EYS: variants seen among roughly 807,000 people sequenced by gnomAD.
EYS encodes the protein EGF-like photoreceptor maintenance factor.
A neutral mutation model predicts 282.1 loss-of-function variants in EYS; 250 were observed. The observed-to-expected ratio is 0.89, with a 90% CI of 0.80 to 0.98. The LOEUF is 0.98. Ranked by LOEUF, EYS falls within the 50% of genes least tolerant of loss-of-function variation. EYS has a pLI of 0.00. For synonymous variants in EYS, 1,355 were observed against 1,282.9 expected (o/e 1.06, Z -1.20); for missense variants, 4,016 against 3,709.0 (o/e 1.08, Z -2.15).
At chr6:64,596,443 A>T (rs544422470) in intron 24 of EYS, among the ~76,000 whole-genome samples, 12 of 152,326 alleles carry the variant, frequency 7.9e-5, no homozygotes, top group African/African-American at 2.9e-4. Flanking sequence ...TGGAAGCATC[A>T]TACTCTCTGA....
At chr6:65,606,770 G>A (rs926481409) in intron 2 of EYS, among the ~76,000 whole-genome samples, 1 of 151,710 alleles carries the variant, frequency 6.6e-6, no homozygotes, top group Non-Finnish European at 1.5e-5. Context: ...ATCTAAACAT[G>A]AATTAAACAA....
chr6:65,010,605 T>C (rs1771836059), intron 13 of EYS, among the ~76,000 whole-genome samples: 1 of 152,210 alleles, frequency 6.6e-6, no homozygotes, highest in Non-Finnish European at 1.5e-5. Flanking sequence ...GAAAAAGGAC[T>C]TTGAAAAGCG....
At chr6:63,845,076 TTGGGTGG>T (rs1772063629) in intron 36 of EYS, among the ~76,000 whole-genome samples, 2 of 152,222 alleles carry the variant, frequency 1.3e-5, no homozygotes, top group East Asian at 3.9e-4. Context: ...TTTTCTGCAT[TTGGGTGG>T]CCATGAACTG....
chr6:64,454,814 C>T (rs1360705766), intron 26 of EYS, among the ~76,000 whole-genome samples: 2 of 152,028 alleles, frequency 1.3e-5, no homozygotes, highest in East Asian at 3.9e-4. Context: ...AATTTATATC[C>T]TTGTGATATT....
rs11753547 is a variant in EYS at position 64,045,346 on chromosome 6, G to A, written c.6725+20992C>T. Among the ~76,000 whole-genome samples the A allele has an allele frequency of 5.4e-4, 81 of 150,792 alleles. 2 individuals are homozygous for A. Among genetic ancestry groups the A allele is most frequent in the Admixed American group, 4.9e-3 (75 of 15,184 alleles). On this transcript the variant is annotated intron_variant, in intron 33 of 42. Transcript: ENST00000503581. ...CTGCTATTATTTCCCTATTTTTCCC[G>A]AAGAGTAACTCATTTTTTAATGTTT... is the stretch of plus-strand genomic sequence containing the variant.
rs925955512 is a variant in EYS at position 64,694,789 on chromosome 6, T to G, written c.3444-68544A>C. Among the ~76,000 whole-genome samples, 6 of 152,176 alleles carry G rather than the reference T, an allele frequency of 3.9e-5. No individual in the cohort carries two copies. The South Asian group carries it at 8.3e-4, about 21-fold the overall frequency. ...TTGTGAGACTGGATCAGGAGAAGTT[T>G]AGCCTGAGAACTGCAGTTTTGACTC... On this transcript the variant is annotated intron_variant, in intron 22 of 42. Coordinates refer to ENST00000503581, the MANE Select transcript of EYS (RefSeq NM_001142800.2).
At chr6:63,791,258 A>T (rs1231317735) in intron 37 of EYS, among the ~76,000 whole-genome samples, 2 of 152,154 alleles carry the variant, frequency 1.3e-5, no homozygotes, top group African/African-American at 2.4e-5. Context: ...GAAGGAGAAG[A>T]ACAGGGTATG....
chr6:65,639,616 A>C (rs1319541476), intron 2 of EYS, among the ~76,000 whole-genome samples, 162 bp downstream of exon 2: 2 of 152,198 alleles, frequency 1.3e-5, no homozygotes, highest in Non-Finnish European at 2.9e-5. Flanking sequence ...GGAACCATTT[A>C]GTAGAGCCAA....
intron 30 of EYS, among the ~76,000 whole-genome samples, chr6:64,251,329 C>A (rs1419550451): frequency 6.6e-6 from 1 of 150,672 alleles, no homozygotes; most frequent in Non-Finnish European, 1.5e-5. Context: ...CAGAGAACTA[C>A]TAGAACTATT....
intron 35 of EYS, among the ~76,000 whole-genome samples, chr6:63,900,678 G>A (rs937195506): frequency 9.2e-5 from 14 of 152,012 alleles, no homozygotes; most frequent in African/African-American, 3.1e-4. Flanking sequence ...TTCATACACA[G>A]ATCCATCAGC....
intron 13 of EYS, among the ~76,000 whole-genome samples, chr6:65,033,752 C>T (rs931890811): frequency 6.6e-6 from 1 of 152,266 alleles, no homozygotes; most frequent in East Asian, 1.9e-4. Context: ...ACTACTAGGG[C>T]AGTGCTGAGG....
chr6:64,248,881 C>A (rs1224468173), intron 30 of EYS, among the ~76,000 whole-genome samples: 2 of 151,668 alleles, frequency 1.3e-5, no homozygotes, highest in Admixed American at 1.3e-4. Flanking sequence ...CATGGTGAAA[C>A]CCTGTCTCTA....
chr6:64,369,749 T>C (rs1369891612), intron 29 of EYS, among the ~76,000 whole-genome samples: 4 of 151,956 alleles, frequency 2.6e-5, no homozygotes, highest in East Asian at 1.9e-4. Context: ...TAAAGCTCTA[T>C]TGTAGAGCTG....
At chr6:65,234,605 C>A (rs1486134107) in intron 12 of EYS, among the ~76,000 whole-genome samples, 1 of 152,132 alleles carries the variant, frequency 6.6e-6, no homozygotes, top group East Asian at 1.9e-4. Flanking sequence ...CCTTTCTTAC[C>A]AATCACTACA....
chr6:64,932,134 T>C (rs1190752474), intron 15 of EYS, among the ~76,000 whole-genome samples: 1 of 152,098 alleles, frequency 6.6e-6, no homozygotes, highest in Non-Finnish European at 1.5e-5. Context: ...AGCTTCGTGG[T>C]TGTAAACAAC....
intron 26 of EYS, among the ~76,000 whole-genome samples, chr6:64,514,625 G>C (rs543031209): frequency 6.6e-6 from 1 of 151,862 alleles, no homozygotes; most frequent in Non-Finnish European, 1.5e-5. Flanking sequence ...ATTTTCTCTT[G>C]TCAAAGTTTT....
At chr6:65,282,913 CAA>C (rs1768264609) in intron 12 of EYS, among the ~76,000 whole-genome samples, 1 of 151,776 alleles carries the variant, frequency 6.6e-6, no homozygotes, top group Admixed American at 6.6e-5. Flanking sequence ...TTTCATTTCT[CAA>C]AAAGTTTCAT....
chr6:64,475,301 C>CAAATACTT (rs1346522692), intron 26 of EYS, among the ~76,000 whole-genome samples: 4 of 71,220 alleles, frequency 5.6e-5, no homozygotes, highest in East Asian at 1.6e-3. Context: ...CCTGTAATCC[C>CAAATACTT]AGCACTTTGG....
intron 12 of EYS, among the ~76,000 whole-genome samples, chr6:65,212,114 G>C (rs1013085086): frequency 1.3e-5 from 2 of 151,980 alleles, no homozygotes; most frequent in African/African-American, 4.8e-5. Context: ...TCACCAAATA[G>C]TGTGAAACAA....
Sources: gnomAD v4.1 joint callset for allele counts (sites outside exome capture counted in the v4.1 genomes callset) on GRCh38, gnomAD v4.1.1 for gene constraint, MANE v1.5 for transcripts, NCBI Gene and HGNC (gene_info 2026-07-23, HGNC 2026-07-21) for gene names.